NCAM1: variants seen among roughly 807,000 people sequenced by gnomAD.
NCAM1 encodes the protein antigen recognized by monoclonal antibody 5.1H11.
Under a neutral mutation model 109.8 loss-of-function variants are expected in NCAM1, and 14 were observed. That is an observed-to-expected ratio of 0.13 (90% CI 0.08 to 0.20). The LOEUF is 0.20. Ranked by LOEUF, NCAM1 falls within the 10% of genes least tolerant of loss-of-function variation. NCAM1 has a pLI of 1.00. For missense variants in NCAM1, 774 were observed against 1,109.9 expected (o/e 0.70, Z 4.30); for synonymous variants, 418 against 442.9 (o/e 0.94, Z 0.70).
intron 1 of NCAM1, among the ~76,000 whole-genome samples, chr11:112,979,551 G>A (rs1335712930): frequency 1.3e-5 from 2 of 151,788 alleles, no homozygotes; most frequent in African/African-American, 4.8e-5. Flanking sequence ...TACTTCCGGT[G>A]ACTCTTTTGC....
chr11:113,183,765 C>T (rs1943402146), intron 1 of NCAM1, among the ~76,000 whole-genome samples: 1 of 132,942 alleles, frequency 7.5e-6, no homozygotes, highest in South Asian at 2.1e-4. Context: ...AAGCAAATGA[C>T]CTCCTCAACC....
At chr11:113,116,960 G>A (rs980739697) in intron 1 of NCAM1, among the ~76,000 whole-genome samples, 3 of 151,884 alleles carry the variant, frequency 2.0e-5, no homozygotes, top group Admixed American at 2.0e-4. Context: ...TAGTTGGTGA[G>A]CTCAAGTGGG....
chr11:113,043,712 G>A (rs1471237565), intron 1 of NCAM1, among the ~76,000 whole-genome samples: 3 of 152,084 alleles, frequency 2.0e-5, no homozygotes, highest in Admixed American at 2.0e-4. Flanking sequence ...TCTCCAGCTG[G>A]TAACAAGCAT....
chr11:113,035,206 A>G (rs1952834507), intron 1 of NCAM1, among the ~76,000 whole-genome samples: 1 of 152,234 alleles, frequency 6.6e-6, no homozygotes. Context: ...CCATTTTGTT[A>G]TAATTCTTCT....
intron 14 of NCAM1, chr11:113,242,749 A>G (rs368164982): frequency 1.6e-5 from 23 of 1,481,416 alleles, no homozygotes; most frequent in Non-Finnish European, 2.2e-5. Flanking sequence ...AGTTTAATTT[A>G]TCTCCATTCT....
intron 17 of NCAM1, among the ~76,000 whole-genome samples, chr11:113,261,746 A>G (rs1946005821): frequency 6.6e-6 from 1 of 152,162 alleles, no homozygotes; most frequent in Non-Finnish European, 1.5e-5. Flanking sequence ...AGGTGAGATC[A>G]GGTGAGGCTT....
At chr11:112,979,909 A>G (rs1201331860) in intron 1 of NCAM1, among the ~76,000 whole-genome samples, 3 of 151,860 alleles carry the variant, frequency 2.0e-5, no homozygotes, top group Non-Finnish European at 2.9e-5. Flanking sequence ...AACAGCTGGT[A>G]TCAAGCACCA....
At chr11:113,266,649 G>A (rs1252920957) in intron 17 of NCAM1, among the ~76,000 whole-genome samples, 6 of 152,112 alleles carry the variant, frequency 3.9e-5, no homozygotes, top group Non-Finnish European at 8.8e-5. Flanking sequence ...CATAAAAGTG[G>A]GGAGCCCCAG....
rs370098574 is a variant in NCAM1 at position 113,231,598 on chromosome 11, C to T, written c.1090-47C>T. 3.3e-4 allele frequency: 523 copies of T among 1,593,732 alleles called. 2 individuals are homozygous for T. The Admixed American group carries it at 7.4e-3, about 23-fold the overall frequency. ...CCTGCCATAGCACTGTTGCCCTTCA[C>T]CCTGCCTTGGGCTCTGACATGCTCC... On this transcript the variant is annotated intron_variant, in intron 9 of 19. Transcript: ENST00000316851.
rs1487720243 is a variant in NCAM1, at chr11:112,962,216, T to C, written c.52+552T>C. On this transcript the variant is annotated intron_variant, in intron 1 of 19. Transcript: ENST00000316851. The surrounding 1 kb of genome is among the most constrained non-coding windows in gnomAD (Gnocchi z 5.6). ...CCCAGAAGAATAACGGTTTGCAAAATGGGGCAAAATGGGCAGAATCGCACG... is the reference window on the plus strand; with the variant it reads ...CCCAGAAGAATAACGGTTTGCAAAACGGGGCAAAATGGGCAGAATCGCACG... Among the ~76,000 whole-genome samples, 3 of 152,136 alleles carry C rather than the reference T, an allele frequency of 2.0e-5. No individual in the cohort carries two copies. The highest frequency in any genetic ancestry group is 2.9e-5 in the Non-Finnish European group (2 of 68,008).
intron 1 of NCAM1, among the ~76,000 whole-genome samples, chr11:113,106,056 C>G (rs1220264209): frequency 6.6e-6 from 1 of 151,952 alleles, no homozygotes; most frequent in African/African-American, 2.4e-5. Context: ...CATTTATTTA[C>G]TTTTTATTTG....
At position 113,242,072 on chromosome 11, in the gene NCAM1, G is replaced by A. The variant is rs540755049; in HGVS notation, c.1826-4296G>A. Among the ~76,000 whole-genome samples the A allele has an allele frequency of 1.1e-4, 17 of 152,288 alleles. No individual in the cohort carries two copies. In the East Asian group the frequency reaches 3.3e-3, roughly 29 times the overall value. The stretch of plus-strand genomic sequence containing the variant: ...TTCCGCCTGAAGCTCCATAACCTAG[G>A]ATAAGTCGCTAAGCCTCCCCAAGTC... On this transcript the variant is annotated intron_variant, in intron 14 of 19. Transcript: ENST00000316851.
At chr11:113,105,330 A>G (rs1019405027) in intron 1 of NCAM1, among the ~76,000 whole-genome samples, 3 of 152,202 alleles carry the variant, frequency 2.0e-5, no homozygotes, top group African/African-American at 7.2e-5. Context: ...ATCCTGCTCT[A>G]TCACAATTCT....
intron 1 of NCAM1, among the ~76,000 whole-genome samples, chr11:113,190,039 G>C (rs1017656476): frequency 1.4e-4 from 22 of 152,234 alleles, no homozygotes; most frequent in Non-Finnish European, 2.5e-4. Context: ...TTGTGTGTTT[G>C]GTCGTGTTCC....
At chr11:113,113,487 A>G (rs2135971314) in intron 1 of NCAM1, among the ~76,000 whole-genome samples, 1 of 152,302 alleles carries the variant, frequency 6.6e-6, no homozygotes, top group Non-Finnish European at 1.5e-5. Context: ...CCTTAAAATA[A>G]ACCTGCAGTA....
chr11:113,085,446 G>A (rs1166277269), intron 1 of NCAM1, among the ~76,000 whole-genome samples: 2 of 152,162 alleles, frequency 1.3e-5, no homozygotes, highest in Non-Finnish European at 2.9e-5. Context: ...TAATACAGTT[G>A]TCTTGAAAAG....
In NCAM1 at chr11:113,273,689, C is replaced by T. The variant is rs1591479689; in HGVS notation, c.2457-1578C>T. ...CCGCCGCTGGGGCCAGTGGACAAGC[C>T]CCTGAGCTTGCTCCTTCCACTGCAG... On this transcript the variant is annotated intron_variant, in intron 19 of 19. Coordinates refer to ENST00000316851, the MANE Select transcript of NCAM1 (RefSeq NM_181351.5). The surrounding 1 kb of genome is among the most constrained non-coding windows in gnomAD (Gnocchi z 6.0). The T allele has an allele frequency of 2.2e-6, 1 of 455,932 alleles. No homozygotes were observed. Among genetic ancestry groups the T allele is most frequent in the East Asian group, 7.0e-5 (1 of 14,372 alleles). The allele number at this position is 455,932 out of a possible 1,614,324, so 28.2% of individuals were successfully genotyped here.
chr11:113,223,936 G>C (rs1379158921), intron 9 of NCAM1, among the ~76,000 whole-genome samples: 1 of 152,160 alleles, frequency 6.6e-6, no homozygotes. Context: ...TATGAAAATA[G>C]CCCTGGAGGT....
At chr11:113,184,420 T>C (rs1943431015) in intron 1 of NCAM1, among the ~76,000 whole-genome samples, 1 of 152,354 alleles carries the variant, frequency 6.6e-6, no homozygotes, top group South Asian at 2.1e-4. Flanking sequence ...AAGTCTGCCA[T>C]TTAGTGCCAG....
Sources: allele counts gnomAD v4.1 joint callset (sites outside exome capture counted in the v4.1 genomes callset), GRCh38; gene constraint gnomAD v4.1.1; non-coding constraint Gnocchi (gnomAD v3.1); transcripts MANE v1.5; gene names NCBI Gene and HGNC (gene_info 2026-07-23, HGNC 2026-07-21).